Variants in NINJ2 observed in about 807,000 individuals in gnomAD.
NINJ2 encodes the protein ninjurin 2.
In NINJ2, 12 loss-of-function variants were observed where a neutral mutation model predicts 11.7. The observed-to-expected ratio is 1.02, with a 90% confidence interval of 0.66 to 1.66. The LOEUF (loss-of-function observed/expected upper bound fraction) is 1.66, where lower values mean the gene tolerates loss of function less well. Ranked by LOEUF, NINJ2 falls within the 40% of genes most tolerant of loss-of-function variation. NINJ2 has a pLI of 0.00. For synonymous variants in NINJ2, 93 were observed against 76.8 expected (o/e 1.21, Z -1.10); for missense variants, 187 against 181.8 (o/e 1.03, Z -0.16).
chr12:652,515 G>A (rs1266349752), intron 1 of NINJ2, among the ~76,000 whole-genome samples: 1 of 152,166 alleles, frequency 6.6e-6, no homozygotes, highest in Non-Finnish European at 1.5e-5. Context: ...CAGATCACTT[G>A]AGGCCAGGAC....
chr12:598,269 C>T (rs1947816284), intron 1 of NINJ2, among the ~76,000 whole-genome samples: 1 of 152,206 alleles, frequency 6.6e-6, no homozygotes, highest in Non-Finnish European at 1.5e-5. Flanking sequence ...TCACTGACCT[C>T]CCCCTGGGCA....
intron 1 of NINJ2, among the ~76,000 whole-genome samples, chr12:579,762 CT>C (rs1163102493): frequency 6.6e-6 from 1 of 152,200 alleles, no homozygotes; most frequent in African/African-American, 2.4e-5. Context: ...TTGCTTTGCT[CT>C]TTCCCTTTAA....
At chr12:599,147 C>T (rs1188050381) in intron 1 of NINJ2, among the ~76,000 whole-genome samples, 3 of 151,572 alleles carry the variant, frequency 2.0e-5, no homozygotes, top group Non-Finnish European at 2.9e-5. Context: ...TTTGGGAGGC[C>T]GAGGCGGATG....
At chr12:651,802 TGAA>T (rs1937790196) in intron 1 of NINJ2, among the ~76,000 whole-genome samples, 1 of 151,914 alleles carries the variant, frequency 6.6e-6, no homozygotes. Flanking sequence ...CTGACAGAAA[TGAA>T]GAATGCCATT....
At chr12:594,115 A>G (rs1947752458) in intron 1 of NINJ2, among the ~76,000 whole-genome samples, 1 of 152,224 alleles carries the variant, frequency 6.6e-6, no homozygotes, top group Non-Finnish European at 1.5e-5. Flanking sequence ...AAAAAAATGT[A>G]TACAGATTGG....
rs561960773 is a variant in NINJ2 at position 659,326 on chromosome 12, G to T, written c.33+4002C>A. Reference sequence around the variant, plus strand: ...AACATGCAGCACAGGTGGAAAAAAAGGGGCCAATAACTGGATCTGCCTGGG... The same window carrying T: ...AACATGCAGCACAGGTGGAAAAAAATGGGCCAATAACTGGATCTGCCTGGG... On this transcript the variant is annotated intron_variant, in intron 1 of 3. Transcript: ENST00000305108. 6.4e-4 allele frequency among the ~76,000 whole-genome samples: 98 copies of T among 152,228 alleles called. No individual in the cohort carries two copies. In the Middle Eastern group the frequency reaches 0.02, roughly 32 times the overall value.
At chr12:651,364 A>C (rs1355406088) in intron 1 of NINJ2, among the ~76,000 whole-genome samples, 1 of 152,176 alleles carries the variant, frequency 6.6e-6, no homozygotes, top group East Asian at 1.9e-4. Context: ...AGCGCACTCT[A>C]GCTGTCCTGA....
intron 1 of NINJ2, among the ~76,000 whole-genome samples, chr12:654,818 G>A (rs1384803741): frequency 6.6e-6 from 1 of 151,772 alleles, no homozygotes; most frequent in Non-Finnish European, 1.5e-5. Flanking sequence ...CTTGAACCTG[G>A]GAGGTGGAGG....
intron 1 of NINJ2, among the ~76,000 whole-genome samples, chr12:649,478 CTG>C (rs571686106): frequency 4.7e-4 from 70 of 147,370 alleles, no homozygotes; most frequent in African/African-American, 1.7e-3. Flanking sequence ...CATGTATAAA[CTG>C]TTTATTTTTT....
At chr12:598,648 T>C (rs1375594752) in intron 1 of NINJ2, among the ~76,000 whole-genome samples, 1 of 152,214 alleles carries the variant, frequency 6.6e-6, no homozygotes, top group East Asian at 1.9e-4. Flanking sequence ...CTTTGGCCGA[T>C]AGAATTAAGG....
chr12:614,862 G>T lies in NINJ2; in HGVS notation c.33+48466C>A, dbSNP rs1375513710. Among the ~76,000 whole-genome samples, 1 of 152,136 alleles carries T rather than the reference G, an allele frequency of 6.6e-6. No homozygotes were observed. The highest frequency in any genetic ancestry group is 6.6e-5 in the Admixed American group (1 of 15,264). The stretch of plus-strand genomic sequence containing the variant: ...GCAGCGTGCATTGTCAGCGCTCTAT[G>T]AAAAACAAATAGCAGTTATGCAAAG... On this transcript the variant is annotated intron_variant, in intron 1 of 3. Coordinates refer to ENST00000305108, the MANE Select transcript of NINJ2 (RefSeq NM_016533.6). The surrounding 1 kb of genome is among the most constrained non-coding windows in gnomAD (Gnocchi z 5.1).
chr12:634,761 A>G (rs2061317), intron 1 of NINJ2, among the ~76,000 whole-genome samples: 22,335 of 152,212 alleles, frequency 0.15, 2,037 homozygotes, highest in South Asian at 0.26. Context: ...TCATCTGAAA[A>G]TTGGCACCTC....
intron 1 of NINJ2, among the ~76,000 whole-genome samples, chr12:661,061 T>C (rs1937951281): frequency 6.9e-6 from 1 of 144,796 alleles, no homozygotes; most frequent in African/African-American, 2.6e-5. Context: ...TGGGGAAACA[T>C]TGTTTTAACT....
At chr12:615,051 G>A (rs1419000898) in intron 1 of NINJ2, among the ~76,000 whole-genome samples, 1 of 152,112 alleles carries the variant, frequency 6.6e-6, no homozygotes, top group Non-Finnish European at 1.5e-5. Context: ...AGAGCGGTTT[G>A]TGTGAATGTG....
intron 1 of NINJ2, among the ~76,000 whole-genome samples, chr12:609,944 T>TAAAA (rs60084425): frequency 7.9e-6 from 1 of 126,884 alleles, no homozygotes; most frequent in African/African-American, 3.1e-5. Context: ...GACCCTGTCT[T>TAAAA]AAAAAAAAAA....
Position 591,241 on chromosome 12 carries a change from T to C in NINJ2, c.34-25063A>G, listed in dbSNP as rs937061477. ...CTGTGTGAACCAACCATCAGGGCAG[T>C]TTAGGTACTGCAGGGTGTTGGGGCC... is the stretch of plus-strand genomic sequence containing the variant. On this transcript the variant is annotated intron_variant, in intron 1 of 3. Coordinates refer to ENST00000305108, the MANE Select transcript of NINJ2 (RefSeq NM_016533.6). This position sits in a 1 kb window ranked among gnomAD's most constrained non-coding sequence, Gnocchi z 5.0. 1.3e-5 allele frequency: 2 copies of C among 152,182 alleles called. No homozygotes were observed. Among genetic ancestry groups the C allele is most frequent in the African/African-American group, 4.8e-5 (2 of 41,428 alleles). The allele number at this position is 152,182 out of a possible 1,614,324, so 9.4% of individuals were successfully genotyped here. A position where few individuals can be genotyped will look rare whatever the true frequency, so the allele number is the denominator to read the frequency against.
chr12:593,669 T>C (rs900168654), intron 1 of NINJ2, among the ~76,000 whole-genome samples: 2 of 151,562 alleles, frequency 1.3e-5, no homozygotes, highest in Non-Finnish European at 2.9e-5. Context: ...GAACCGTGAG[T>C]GTGCCACTGC....
At chr12:610,298 C>A (rs1002548591) in intron 1 of NINJ2, 1 of 1,487,574 alleles carries the variant, frequency 6.7e-7, no homozygotes, top group African/African-American at 1.4e-5. Flanking sequence ...CAGTGCCCAG[C>A]ACCCAGTGCT....
At position 636,029 on chromosome 12, in the gene NINJ2, AGT is replaced by A. The variant is rs1344146422; in HGVS notation, c.33+27297_33+27298del. 5.9e-5 allele frequency among the ~76,000 whole-genome samples: 9 copies of A among 152,236 alleles called. 1 individual carries two copies. Among genetic ancestry groups the A allele is most frequent in the Admixed American group, 5.9e-4 (9 of 15,290 alleles). ...GACGCAGAGGTTGCAGTGAGCCAAGAGTGTGCCACTGCACGCCAGCCCGGGCA... is the reference window on the plus strand; with the variant it reads ...GACGCAGAGGTTGCAGTGAGCCAAGAGTGCCACTGCACGCCAGCCCGGGCA... On this transcript the variant is annotated intron_variant, in intron 1 of 3. Transcript: ENST00000305108.
Sources: allele counts gnomAD v4.1 joint callset (sites outside exome capture counted in the v4.1 genomes callset), GRCh38; gene constraint gnomAD v4.1.1; non-coding constraint Gnocchi (gnomAD v3.1); transcripts MANE v1.5; gene names NCBI Gene and HGNC (gene_info 2026-07-23, HGNC 2026-07-21).